NAV3: variants seen among roughly 807,000 people sequenced by gnomAD.
The protein encoded by NAV3 is pore membrane and/or filament interacting like protein 1.
Under a neutral mutation model 244.7 loss-of-function variants are expected in NAV3, and 87 were observed. The ratio of observed to expected loss-of-function variants is 0.36; its 90% CI spans 0.30 to 0.42. NAV3 has a LOEUF of 0.42. NAV3 is among the 20% of genes least tolerant of loss of function. NAV3 has a pLI of 1.00. For missense variants in NAV3, 2,663 were observed against 2,893.3 expected, an observed-to-expected ratio of 0.92 and a Z score of 1.83; for synonymous variants, 1,126 against 1,042.2, an observed-to-expected ratio of 1.08 and a Z score of -1.55.
intron 2 of NAV3, among the ~76,000 whole-genome samples, chr12:77,656,126 A>G (rs1390033792): frequency 6.6e-6 from 1 of 151,296 alleles, no homozygotes; most frequent in Non-Finnish European, 1.5e-5. Context: ...TTAAATGTAA[A>G]TGGACTAAAT....
intron 1 of NAV3, among the ~76,000 whole-genome samples, chr12:77,937,442 G>A (rs539724988): frequency 6.6e-6 from 1 of 152,264 alleles, no homozygotes; most frequent in South Asian, 2.1e-4. Flanking sequence ...ACATGCATTT[G>A]GAGAATGAAA....
chr12:78,117,158 C>CTTATATATATATATATAT lies in NAV3; in HGVS notation c.2769+254_2769+255insTTATATATATATATATAT, dbSNP rs1555292748. Among the ~76,000 whole-genome samples the CTTATATATATATATATAT allele has an allele frequency of 2.6e-4, 18 of 70,334 alleles. 3 individuals carry two copies. Among genetic ancestry groups the CTTATATATATATATATAT allele is most frequent in the East Asian group, 1.0e-3 (2 of 1,990 alleles). The allele number at this position is 70,334 out of a possible 152,430, so 46.1% of individuals were successfully genotyped here. A position where few individuals can be genotyped will look rare whatever the true frequency, so the allele number is the denominator to read the frequency against. On this transcript the variant is annotated intron_variant, in intron 13 of 39. Coordinates refer to ENST00000397909, the MANE Select transcript of NAV3 (RefSeq NM_001024383.2). ...GCCAATTTTGAATAAACAGAAGCAGCATATATATATATATATATATATATA... is the reference window on the plus strand; with the variant it reads ...GCCAATTTTGAATAAACAGAAGCAGCTTATATATATATATATATATATATATATATATATATATATATA...
intron 2 of NAV3, among the ~76,000 whole-genome samples, chr12:77,606,428 T>A (rs1445376183): frequency 6.6e-6 from 1 of 152,174 alleles, no homozygotes; most frequent in Non-Finnish European, 1.5e-5. Context: ...TCATGTCTCA[T>A]TATCCTCTGT....
intron 1 of NAV3, among the ~76,000 whole-genome samples, chr12:77,902,870 T>C (rs1450106097): frequency 6.6e-6 from 1 of 152,110 alleles, no homozygotes; most frequent in Non-Finnish European, 1.5e-5. Flanking sequence ...GAGAGCCAAA[T>C]CATGAGTGAA....
At chr12:78,150,621 A>G (rs1252289243) in intron 22 of NAV3, among the ~76,000 whole-genome samples, 1 of 142,604 alleles carries the variant, frequency 7.0e-6, no homozygotes, top group African/African-American at 2.6e-5. Flanking sequence ...ACACACGTGC[A>G]AAAGCTTCCT....
intron 1 of NAV3, among the ~76,000 whole-genome samples, chr12:77,875,183 G>A (rs1007762007): frequency 6.6e-6 from 1 of 151,882 alleles, no homozygotes; most frequent in Admixed American, 6.6e-5. Flanking sequence ...CAAACTTCCA[G>A]CAAGTTATAA....
intron 8 of NAV3, among the ~76,000 whole-genome samples, chr12:78,007,780 A>T (rs887754209): frequency 6.6e-6 from 1 of 152,212 alleles, no homozygotes; most frequent in Non-Finnish European, 1.5e-5. Flanking sequence ...TTCTATTACT[A>T]GCGGCAGACT....
chr12:77,926,475 C>T (rs199974464), intron 1 of NAV3, among the ~76,000 whole-genome samples: 11 of 147,986 alleles, frequency 7.4e-5, no homozygotes, highest in Non-Finnish European at 1.4e-4. Flanking sequence ...TAGATACATA[C>T]ATACATAGAT....
chr12:77,711,647 T>C, intron 2 of NAV3, among the ~76,000 whole-genome samples: 1 of 152,198 alleles, frequency 6.6e-6, no homozygotes, highest in East Asian at 1.9e-4. Flanking sequence ...TCAGCTGCCC[T>C]GAGCAAGATT....
intron 12 of NAV3, among the ~76,000 whole-genome samples, chr12:78,114,154 C>T (rs1386055319): frequency 6.6e-6 from 1 of 152,200 alleles, no homozygotes; most frequent in Non-Finnish European, 1.5e-5. Flanking sequence ...GCCTGGATTT[C>T]ATTGTCCATA....
At chr12:78,150,978 T>C (rs540974453) in intron 22 of NAV3, among the ~76,000 whole-genome samples, 6 of 152,074 alleles carry the variant, frequency 3.9e-5, no homozygotes, top group South Asian at 2.1e-4. Context: ...ACATCCAGCA[T>C]ATCTGTGGCT....
chr12:77,930,710 G>T (rs1888700421), intron 1 of NAV3, among the ~76,000 whole-genome samples: 1 of 152,030 alleles, frequency 6.6e-6, no homozygotes, highest in Non-Finnish European at 1.5e-5. Context: ...TTTCACTTCT[G>T]ATAGCCTCCT....
Position 78,177,619 on chromosome 12 carries a change from G to A in NAV3, c.5298-1G>A, listed in dbSNP as rs1156493020. On this transcript the variant is annotated splice_acceptor_variant, in intron 27 of 39. Coordinates refer to ENST00000397909, the MANE Select transcript of NAV3 (RefSeq NM_001024383.2). LOFTEE classifies it high-confidence loss of function. ...ATCTGTCTAACTGTATGTACATACA[G>A]GTCACCCCTTGTCTGGCCACCAAAG... 1 of 1,596,846 alleles carries A rather than the reference G, an allele frequency of 6.3e-7. No homozygotes were observed. The highest frequency in any genetic ancestry group is 8.5e-7 in the Non-Finnish European group (1 of 1,179,008).
chr12:77,745,808 C>G (rs1868507089), intron 2 of NAV3, among the ~76,000 whole-genome samples: 2 of 151,748 alleles, frequency 1.3e-5, no homozygotes, highest in Non-Finnish European at 2.9e-5. Context: ...CTCTGGTAGT[C>G]CTTGACAGAG....
intron 23 of NAV3, among the ~76,000 whole-genome samples, chr12:78,167,026 T>A (rs1173971590): frequency 2.0e-5 from 3 of 151,862 alleles, no homozygotes; most frequent in Non-Finnish European, 4.4e-5. Flanking sequence ...TTCCACTATG[T>A]ACCATTTATT....
chr12:78,028,247 G>A (rs1352047403), intron 9 of NAV3, among the ~76,000 whole-genome samples: 1 of 152,132 alleles, frequency 6.6e-6, no homozygotes, highest in East Asian at 1.9e-4. Flanking sequence ...TTAATGGTAT[G>A]CTGATGGTTA....
At chr12:77,775,941 G>A (rs1016738196) in intron 2 of NAV3, 2 of 152,198 alleles carry the variant, frequency 1.3e-5, no homozygotes, top group Non-Finnish European at 1.5e-5. Context: ...ATCTTTTCAT[G>A]AATTAAGAAA....
intron 22 of NAV3, among the ~76,000 whole-genome samples, chr12:78,157,880 T>C (rs1052038256): frequency 6.6e-6 from 1 of 151,976 alleles, no homozygotes; most frequent in Admixed American, 6.6e-5. Context: ...GATTAATCTT[T>C]AGTAGATGTA....
At chr12:78,176,483 T>G (rs972166053) in intron 26 of NAV3, 24 bp downstream of exon 26, 1 of 1,611,924 alleles carries the variant, frequency 6.2e-7, no homozygotes, top group African/African-American at 1.3e-5. Context: ...GTGGACAATT[T>G]GGCATGCATC....
Sources: gnomAD v4.1 joint callset for allele counts (sites outside exome capture counted in the v4.1 genomes callset) on GRCh38, gnomAD v4.1.1 for gene constraint, MANE v1.5 for transcripts, NCBI Gene and HGNC (gene_info 2026-07-23, HGNC 2026-07-21) for gene names.